LRP1B: variants seen among roughly 807,000 people sequenced by gnomAD.
LRP1B encodes the protein low-density lipoprotein receptor-related protein 1B.
A neutral mutation model predicts 556.6 loss-of-function variants in LRP1B; 217 were observed. The ratio of observed to expected loss-of-function variants is 0.39; its 90% CI spans 0.35 to 0.44. LRP1B has a LOEUF of 0.44. LRP1B is among the 20% of genes least tolerant of loss of function. The pLI, the probability that LRP1B is intolerant of heterozygous loss-of-function variation, is 1.00. For synonymous variants in LRP1B, 2,047 were observed against 1,865.8 expected (o/e 1.10, Z -2.50); for missense variants, 5,053 against 5,620.8 (o/e 0.90, Z 3.23).
At chr2:140,754,538 A>C (rs1399900758) in intron 35 of LRP1B, among the ~76,000 whole-genome samples, 1 of 152,144 alleles carries the variant, frequency 6.6e-6, no homozygotes, top group Non-Finnish European at 1.5e-5. Context: ...GAAATTCATA[A>C]ATGTGGTGGA....
chr2:140,705,339 C>G (rs1686791358), intron 37 of LRP1B, among the ~76,000 whole-genome samples: 2 of 151,544 alleles, frequency 1.3e-5, no homozygotes, highest in Admixed American at 6.6e-5. Context: ...GCCTGGCCAA[C>G]ATGGTGAAAC....
chr2:141,075,966 T>C (rs1431508964), intron 7 of LRP1B, among the ~76,000 whole-genome samples: 6 of 152,232 alleles, frequency 3.9e-5, no homozygotes. Context: ...ATTGCAGTGA[T>C]GATAAAATCA....
At chr2:141,870,717 G>A (rs1167273170) in intron 1 of LRP1B, among the ~76,000 whole-genome samples, 2 of 151,850 alleles carry the variant, frequency 1.3e-5, no homozygotes, top group African/African-American at 4.8e-5. Context: ...AGGAGTCATA[G>A]GATGGGATAT....
At chr2:141,781,390 T>C (rs1367401234) in intron 2 of LRP1B, among the ~76,000 whole-genome samples, 1 of 152,210 alleles carries the variant, frequency 6.6e-6, no homozygotes, top group Non-Finnish European at 1.5e-5. Flanking sequence ...CACTATATAC[T>C]TAGTTAACTA....
chr2:140,492,132 C>T (rs962332498), intron 57 of LRP1B, among the ~76,000 whole-genome samples: 10 of 152,276 alleles, frequency 6.6e-5, no homozygotes, highest in African/African-American at 1.7e-4. Flanking sequence ...AAGAATCCAA[C>T]TCTGTCAGGA....
intron 41 of LRP1B, among the ~76,000 whole-genome samples, chr2:140,638,361 C>T (rs1296550044): frequency 3.9e-5 from 6 of 152,010 alleles, no homozygotes; most frequent in African/African-American, 1.2e-4. Flanking sequence ...ACTTTCTTAC[C>T]CCCAATTTAA....
intron 79 of LRP1B, 57 bp from the exon 80 acceptor site, chr2:140,325,935 A>G (rs1311587324): frequency 3.6e-6 from 4 of 1,111,782 alleles, no homozygotes; most frequent in Admixed American, 3.5e-5. Flanking sequence ...ATCATTCAAA[A>G]TCATACTTTT....
At chr2:140,859,710 C>T (rs17518049) in intron 27 of LRP1B, among the ~76,000 whole-genome samples, 1 of 151,838 alleles carries the variant, frequency 6.6e-6, no homozygotes, top group Non-Finnish European at 1.5e-5. Context: ...AAATAAATTG[C>T]CTGGCCGTGT....
intron 2 of LRP1B, among the ~76,000 whole-genome samples, chr2:141,671,060 G>A (rs1052638359): frequency 6.6e-6 from 1 of 152,060 alleles, no homozygotes; most frequent in African/African-American, 2.4e-5. Context: ...GATGAATTTT[G>A]GTAGACTCTA....
At chr2:142,130,080 CG>C (rs1374377918) in intron 1 of LRP1B, among the ~76,000 whole-genome samples, 2 of 152,108 alleles carry the variant, frequency 1.3e-5, no homozygotes, top group Non-Finnish European at 2.9e-5. Context: ...TGCGTGCGCC[CG>C]GAATCGTCCT....
intron 3 of LRP1B, among the ~76,000 whole-genome samples, chr2:141,304,576 T>C (rs956064426): frequency 4.7e-5 from 7 of 149,252 alleles, no homozygotes; most frequent in African/African-American, 1.7e-4. Flanking sequence ...ACCTCCTGGG[T>C]TCAAGCAATT....
chr2:140,732,225 A>T (rs1687803499), intron 35 of LRP1B, among the ~76,000 whole-genome samples: 1 of 152,032 alleles, frequency 6.6e-6, no homozygotes, highest in South Asian at 2.1e-4. Context: ...ATGTTTAAAA[A>T]GTACTCCACC....
At chr2:141,654,504 G>T (rs1438921880) in intron 2 of LRP1B, among the ~76,000 whole-genome samples, 2 of 152,114 alleles carry the variant, frequency 1.3e-5, no homozygotes, top group African/African-American at 2.4e-5. Context: ...GGGTCTGGAG[G>T]AGTCTGGCAA....
chr2:140,581,976 AT>A (rs1681781197), intron 43 of LRP1B, among the ~76,000 whole-genome samples: 1 of 152,140 alleles, frequency 6.6e-6, no homozygotes. Context: ...TATGAGTCCC[AT>A]GTCTTGGAGA....
At chr2:140,570,295 C>A in intron 43 of LRP1B, among the ~76,000 whole-genome samples, 1 of 149,574 alleles carries the variant, frequency 6.7e-6, no homozygotes, top group Non-Finnish European at 1.5e-5. Flanking sequence ...CTAGGGTAAC[C>A]AGGAAAAAAA....
chr2:141,255,148 G>A (rs891711532), intron 3 of LRP1B, among the ~76,000 whole-genome samples: 2 of 151,948 alleles, frequency 1.3e-5, no homozygotes, highest in Non-Finnish European at 2.9e-5. Context: ...TGAACTATTT[G>A]AGAAAAGACA....
intron 6 of LRP1B, among the ~76,000 whole-genome samples, chr2:141,193,169 T>C (rs1393888272): frequency 6.6e-6 from 1 of 152,002 alleles, no homozygotes; most frequent in East Asian, 1.9e-4. Context: ...TAGAAAGCAG[T>C]ATGGCAATTC....
At chr2:141,544,251 A>G (rs533282861) in intron 2 of LRP1B, among the ~76,000 whole-genome samples, 27 of 152,164 alleles carry the variant, frequency 1.8e-4, no homozygotes, top group African/African-American at 6.5e-4. Context: ...TTAAATTATC[A>G]CTTTAAATCA....
At chr2:141,332,770 C>T (rs1284329462) in intron 3 of LRP1B, among the ~76,000 whole-genome samples, 2 of 148,234 alleles carry the variant, frequency 1.3e-5, no homozygotes, top group African/African-American at 5.0e-5. Flanking sequence ...CTGCATGTTC[C>T]CCTTGAAAGT....
Sources: gnomAD v4.1 joint callset for allele counts (sites outside exome capture counted in the v4.1 genomes callset) on GRCh38, gnomAD v4.1.1 for gene constraint, MANE v1.5 for transcripts, NCBI Gene and HGNC (gene_info 2026-07-23, HGNC 2026-07-21) for gene names.